The following MVP variants were observed in gnomAD, a reference collection of about 807,000 sequenced individuals.
MVP encodes lung resistance-related protein.
A neutral mutation model predicts 83.5 loss-of-function variants in MVP; 62 were observed. The observed-to-expected ratio is 0.74, with a 90% CI of 0.61 to 0.92. MVP has a LOEUF of 0.92. Ranked by LOEUF, MVP falls within the 40% of genes least tolerant of loss-of-function variation. The pLI, the probability that MVP is intolerant of heterozygous loss-of-function variation, is 0.00. For synonymous variants in MVP, 505 were observed against 504.1 expected (o/e 1.00, Z -0.02); for missense variants, 1,000 against 1,203.4 (o/e 0.83, Z 2.50).
At position 29,834,772 on chromosome 16, in the gene MVP, G is replaced by A. The variant is rs1182846689; in HGVS notation, c.577+706G>A. On this transcript the variant is annotated intron_variant, in intron 5 of 14. Coordinates refer to ENST00000357402, the MANE Select transcript of MVP (RefSeq NM_005115.5). ...GCGATCTCGGCTCACTGCAAGCTCCGCCTCCTGGGTTCACACCATTCTCCT... is the reference window on the plus strand; with the variant it reads ...GCGATCTCGGCTCACTGCAAGCTCCACCTCCTGGGTTCACACCATTCTCCT... The A allele has an allele frequency of 4.0e-5, 6 of 150,284 alleles. 1 individual carries two copies. Among genetic ancestry groups the A allele is most frequent in the Admixed American group, 2.7e-4 (4 of 15,016 alleles). 9.3% of individuals were successfully genotyped at this position (150,284 alleles called of 1,614,324 possible).
intron 7 of MVP, among the ~76,000 whole-genome samples, chr16:29,839,316 T>C (rs1404278880): frequency 6.6e-6 from 1 of 151,538 alleles, no homozygotes; most frequent in East Asian, 1.9e-4. Context: ...AGGTGGGGAG[T>C]GGCAGTAACT....
intron 1 of MVP, among the ~76,000 whole-genome samples, chr16:29,825,761 G>A (rs1216735647): frequency 1.9e-4 from 29 of 152,230 alleles, no homozygotes; most frequent in Admixed American, 1.6e-3. Flanking sequence ...GGCCTCAGCT[G>A]TGGGGGGTGT....
chr16:29,833,872 A>G lies in MVP; in HGVS notation c.445+16A>G, dbSNP rs763619261. On this transcript the variant is annotated intron_variant, in intron 4 of 14. Transcript: ENST00000357402. ...GAGGGACCTGGTAAGTTCTGTCTCCATAGGGCTCCCTGCCTTCCTGTCATA... is the reference window on the plus strand; with the variant it reads ...GAGGGACCTGGTAAGTTCTGTCTCCGTAGGGCTCCCTGCCTTCCTGTCATA... 2.5e-6 allele frequency: 4 copies of G among 1,614,108 alleles called. No individual in the cohort carries two copies. The Admixed American group carries it at 5.0e-5, about 20-fold the overall frequency.
rs4787480 is a variant in MVP, at chr16:29,845,995, G to A, written c.2138+16G>A. ...AGGCTCTGAGGTGGGTTGAGAACTA[G>A]AGGAGGAGACTGGCAGGGGCCGAGG... On this transcript the variant is annotated intron_variant, in intron 12 of 14. Transcript: ENST00000357402. The A allele has an allele frequency of 0.14, 230,386 of 1,613,800 alleles. 17,607 individuals carry two copies. The highest frequency in any genetic ancestry group is 0.24 in the African/African-American group (18,351 of 75,014).
intron 1 of MVP, chr16:29,830,264 C>G: frequency 3.4e-6 from 1 of 298,146 alleles, no homozygotes; most frequent in Non-Finnish European, 6.4e-6. Context: ...AAGGAATTGG[C>G]AAGGAACCCT....
At position 29,830,935 on chromosome 16, in the gene MVP, G is replaced by A; in HGVS notation, c.183G>A (p.Val61=). 1 of 1,614,010 alleles carries A rather than the reference G, an allele frequency of 6.2e-7. No individual in the cohort carries two copies. Among genetic ancestry groups the A allele is most frequent in the Non-Finnish European group, 8.5e-7 (1 of 1,179,978 alleles). ...VTVPPRHYCT[V]ANPVSRDAQG... ...TCCCCCCACGTCACTACTGCACAGT[G>A]GCCAACCCTGTGTCTCGGGATGCCC... The change falls in exon 3 of 15, where the codon GTG becomes GTA. Residue 61 remains valine (V), a synonymous_variant. Coordinates refer to ENST00000357402, the MANE Select transcript of MVP (RefSeq NM_005115.5).
At position 29,846,183 on chromosome 16, in the gene MVP, G is replaced by A. The variant is rs1005827010; in HGVS notation, c.2164G>A (p.Ala722Thr). Residue 722 changes from alanine to threonine, a missense_variant, in exon 13 of 15, where the codon GCC becomes ACC. Physicochemically the swap from Ala to Thr is moderately conservative, Grantham distance 58. Transcript: ENST00000357402. Reference protein sequence around the residue: ...LSMAVESTGTAKAEAESRAEA... With the variant: ...LSMAVESTGTTKAEAESRAEA... ...CATGGCCGTGGAGAGCACCGGGACT[G>A]CCAAGGCGGAGGCCGAGTCCCGTGC... 1.2e-6 allele frequency: 2 copies of A among 1,610,618 alleles called. No individual in the cohort carries two copies. Among genetic ancestry groups the A allele is most frequent in the Non-Finnish European group, 1.7e-6 (2 of 1,178,550 alleles).
chr16:29,843,544 G>GT, intron 10 of MVP, among the ~76,000 whole-genome samples: 1 of 39,756 alleles, frequency 2.5e-5, no homozygotes, highest in Non-Finnish European at 5.3e-5. Context: ...GAGGAAGGGA[G>GT]GAAGGGAGGG....
chr16:29,825,499 A>G (rs1375370877), intron 1 of MVP, among the ~76,000 whole-genome samples: 1 of 152,212 alleles, frequency 6.6e-6, no homozygotes, highest in Non-Finnish European at 1.5e-5. Context: ...GCTCACCTCC[A>G]TAGATGGCGA....
rs1010919275 is a variant in MVP at position 29,820,519 on chromosome 16, A to G, written c.-36+9A>G. 6.6e-6 allele frequency: 1 copy of G among 152,246 alleles called. No individual in the cohort carries two copies. The highest frequency in any genetic ancestry group is 2.1e-4 in the South Asian group (1 of 4,834). 9.4% of individuals were successfully genotyped at this position (152,246 alleles called of 1,614,324 possible). ...TACCTGCACTTCTAGATGTGAGTAC[A>G]TTGTACTAGCCCCCCAAACCCCAAA... On this transcript the variant is annotated intron_variant, in intron 1 of 14. Transcript: ENST00000357402.
chr16:29,844,148 G>A (rs536912221), intron 10 of MVP, among the ~76,000 whole-genome samples: 2 of 152,340 alleles, frequency 1.3e-5, no homozygotes, highest in South Asian at 4.1e-4. Context: ...TTCCTCATCT[G>A]TAAAATGGGG....
Position 29,841,213 on chromosome 16 carries a change from C to T in MVP, c.1192-383C>T, listed in dbSNP as rs1031143199. On this transcript the variant is annotated intron_variant, in intron 8 of 14. Coordinates refer to ENST00000357402, the MANE Select transcript of MVP (RefSeq NM_005115.5). This position sits in a 1 kb window ranked among gnomAD's most constrained non-coding sequence, Gnocchi z 4.7. ...TGGAATCCGAGGGAGCATCCGTGTA[C>T]ACAGCCTACTTCACCATCCCCGAGG... Among the ~76,000 whole-genome samples, 16 of 152,170 alleles carry T rather than the reference C, an allele frequency of 1.1e-4. No individual in the cohort carries two copies. Among genetic ancestry groups the T allele is most frequent in the African/African-American group, 3.4e-4 (14 of 41,428 alleles).
chr16:29,834,852 AT>A (rs60147985), intron 5 of MVP: 9,420 of 126,426 alleles, frequency 0.075, 912 homozygotes, highest in African/African-American at 0.23. Flanking sequence ...TGCCCAGCTA[AT>A]TTTTTTTTTT....
chr16:29,836,660 G>C (rs2067489556), intron 6 of MVP, 62 bp from the exon 7 acceptor site: 1 of 1,380,636 alleles, frequency 7.2e-7, no homozygotes, highest in African/African-American at 1.5e-5. Context: ...TGGCCAATGG[G>C]GCTCGCAGAT....
At chr16:29,828,599 C>T (rs1199470311) in intron 1 of MVP, among the ~76,000 whole-genome samples, 3 of 152,140 alleles carry the variant, frequency 2.0e-5, no homozygotes, top group Middle Eastern at 3.2e-3. Context: ...AGGCTGGTCT[C>T]GAACTCCTGA....
chr16:29,838,532 A>G (rs1413362795), intron 7 of MVP, among the ~76,000 whole-genome samples: 2 of 152,218 alleles, frequency 1.3e-5, no homozygotes, highest in East Asian at 3.8e-4. Context: ...TTCAGCCATA[A>G]GAAAGAAATG....
chr16:29,833,540 G>A (rs2067461509), intron 3 of MVP, 193 bp from the exon 4 acceptor site: 2 of 534,650 alleles, frequency 3.7e-6, no homozygotes, highest in Admixed American at 6.6e-5. Flanking sequence ...GAATGTCTGA[G>A]GTCAAGCAAT....
intron 1 of MVP, among the ~76,000 whole-genome samples, chr16:29,825,790 A>G (rs568623762): frequency 2.0e-5 from 3 of 152,266 alleles, no homozygotes; most frequent in African/African-American, 7.2e-5. Context: ...TTATCCACTG[A>G]TGAACCAAAT....
intron 1 of MVP, chr16:29,830,220 A>G (rs1252145837): frequency 1.7e-5 from 4 of 230,972 alleles, no homozygotes; most frequent in Admixed American, 5.2e-5. Flanking sequence ...TGCCGGTGGC[A>G]GTGTAGGGGG....
Sources: gnomAD v4.1 joint callset for allele counts (sites outside exome capture counted in the v4.1 genomes callset) on GRCh38, gnomAD v4.1.1 for gene constraint, Gnocchi (gnomAD v3.1) non-coding constraint, MANE v1.5 for transcripts, NCBI Gene and HGNC (gene_info 2026-07-23, HGNC 2026-07-21) for gene names.